The following ERICH3 variants were observed in gnomAD, a reference collection of about 807,000 sequenced individuals.
ERICH3 encodes glutamate-rich protein 3.
Under a neutral mutation model 131.1 loss-of-function variants are expected in ERICH3, and 126 were observed. The ratio of observed to expected loss-of-function variants is 0.96; its 90% CI spans 0.83 to 1.11. The LOEUF is 1.11. ERICH3 is among the 50% of genes most tolerant of loss of function. The pLI is 0.00. For missense variants in ERICH3, 2,050 were observed against 1,810.7 expected (o/e 1.13, Z -2.40); for synonymous variants, 695 against 644.6 (o/e 1.08, Z -1.18).
intron 11 of ERICH3, among the ~76,000 whole-genome samples, chr1:74,596,315 CT>C (rs964925804): frequency 1.3e-4 from 20 of 151,300 alleles, no homozygotes; most frequent in African/African-American, 3.4e-4. Flanking sequence ...GCTAGTTAGT[CT>C]TTTTTTTCAT....
In ERICH3 at chr1:74,634,704, G is replaced by A. The variant is rs201806951; in HGVS notation, c.603+1576C>T. 579 of 709,734 alleles carry A rather than the reference G, an allele frequency of 8.2e-4. 1 individual carries two copies. The highest frequency in any genetic ancestry group is 1.3e-3 in the Non-Finnish European group (500 of 382,116). The allele number at this position is 709,734 out of a possible 1,614,324, so 44.0% of individuals were successfully genotyped here. Reference sequence around the variant, plus strand: ...AAAGCACCCATCCAAGTACTATCTAGGGGAGAGGAAATCCTACTCATTGGA... The same window carrying A: ...AAAGCACCCATCCAAGTACTATCTAAGGGAGAGGAAATCCTACTCATTGGA... On this transcript the variant is annotated intron_variant, in intron 6 of 14. Coordinates refer to ENST00000326665, the MANE Select transcript of ERICH3 (RefSeq NM_001002912.5).
chr1:74,606,879 T>C lies in ERICH3; in HGVS notation c.1211A>G (p.Asp404Gly). The C allele has an allele frequency of 6.2e-7, 1 of 1,612,192 alleles. No homozygotes were observed. Among genetic ancestry groups the C allele is most frequent in the South Asian group, 1.1e-5 (1 of 90,854 alleles). ...AGATTTCGGCAAAGACGGTTTTTTG[T>C]CAAGGCCCATTGCAATAATGCACCT... The part of the protein sequence containing the change: ...CYKCIIAMGL[D>G]KKPSLPKSRK... The change falls in exon 10 of 15, where the codon GAC (aspartate) becomes GGC (glycine). Residue 404 changes from aspartate to glycine, a missense_variant. By Grantham distance (94) the Asp-to-Gly change is moderately conservative. Transcript: ENST00000326665.
At chr1:74,650,546 A>T (rs1238682553) in intron 1 of ERICH3, among the ~76,000 whole-genome samples, 1 of 152,024 alleles carries the variant, frequency 6.6e-6, no homozygotes, top group African/African-American at 2.4e-5. Flanking sequence ...GATAGTACCA[A>T]ATCCTATGTA....
chr1:74,660,595 G>GTA (rs35580326), intron 1 of ERICH3, among the ~76,000 whole-genome samples: 21,506 of 143,740 alleles, frequency 0.15, 1,693 homozygotes, highest in East Asian at 0.27. Context: ...ACACACAAGT[G>GTA]TATATATATA....
At position 74,593,097 on chromosome 1, in the gene ERICH3, C is replaced by T. The variant is rs539177092; in HGVS notation, c.1727-3017G>A. ...CTGGTAGTGATGCTATAAGAACCTG[C>T]TTTTGCTTGTTTTGGCAAAGAAAAG... On this transcript the variant is annotated intron_variant, in intron 11 of 14. Coordinates refer to ENST00000326665, the MANE Select transcript of ERICH3 (RefSeq NM_001002912.5). Among the ~76,000 whole-genome samples, 7 of 152,198 alleles carry T rather than the reference C, an allele frequency of 4.6e-5. No individual in the cohort carries two copies. In the South Asian group the frequency reaches 1.5e-3, roughly 32 times the overall value.
chr1:74,584,943 G>A (rs1470560426), intron 12 of ERICH3, among the ~76,000 whole-genome samples: 1 of 152,094 alleles, frequency 6.6e-6, no homozygotes, highest in Non-Finnish European at 1.5e-5. Flanking sequence ...TATCCTGCCT[G>A]CCTGATGACA....
intron 3 of ERICH3, among the ~76,000 whole-genome samples, chr1:74,644,250 C>A (rs528263762): frequency 2.0e-5 from 3 of 151,894 alleles, no homozygotes; most frequent in South Asian, 4.2e-4. Flanking sequence ...GATCTCCTAC[C>A]CACTTATCAT....
chr1:74,665,251 C>T (rs1198859525), intron 1 of ERICH3, among the ~76,000 whole-genome samples: 1 of 152,000 alleles, frequency 6.6e-6, no homozygotes, highest in Non-Finnish European at 1.5e-5. Context: ...GAGAGCAGGC[C>T]CTCACCAGAC....
intron 3 of ERICH3, among the ~76,000 whole-genome samples, chr1:74,645,826 TAATA>T (rs1646478135): frequency 6.6e-6 from 1 of 152,080 alleles, no homozygotes; most frequent in Non-Finnish European, 1.5e-5. Context: ...TGTAGCATAA[TAATA>T]AATATTTTCA....
intron 7 of ERICH3, among the ~76,000 whole-genome samples, chr1:74,630,254 A>C (rs1189610496): frequency 6.6e-6 from 1 of 152,222 alleles, no homozygotes; most frequent in East Asian, 1.9e-4. Flanking sequence ...CAATGCCAGC[A>C]TGCAGAGTGA....
intron 10 of ERICH3, among the ~76,000 whole-genome samples, chr1:74,604,431 A>C (rs1648290495): frequency 6.6e-6 from 1 of 151,968 alleles, no homozygotes; most frequent in African/African-American, 2.4e-5. Context: ...AATGGCATCT[A>C]GAATTGTGAA....
intron 13 of ERICH3, among the ~76,000 whole-genome samples, chr1:74,576,652 T>C (rs964044522): frequency 6.6e-6 from 1 of 152,180 alleles, no homozygotes; most frequent in African/African-American, 2.4e-5. Flanking sequence ...CTCAAATGCC[T>C]CACAGTGCTT....
intron 5 of ERICH3, among the ~76,000 whole-genome samples, chr1:74,637,984 A>G (rs1646406830): frequency 6.6e-6 from 1 of 152,196 alleles, no homozygotes; most frequent in South Asian, 2.1e-4. Context: ...TTCTAATGCA[A>G]TAAAATAGTA....
rs758913679 is a variant in ERICH3 at position 74,572,308 on chromosome 1, A to T, written c.3402T>A (p.Ala1134=). 3 of 1,614,006 alleles carry T rather than the reference A, an allele frequency of 1.9e-6. No homozygotes were observed. In the Admixed American group the frequency reaches 5.0e-5, roughly 27 times the overall value. ...GCCCTGGATTGTCAGACAACTCAGA[A>T]GCCTCCACAGGTGCTTCGTTCTCAG... ...SDAENEAPVE[A]SELSDNPGLL... is the part of the protein sequence containing the mutation. The change falls in exon 14 of 15, where the codon GCT becomes GCA. Residue 1134 remains alanine (A), a synonymous_variant. Transcript: ENST00000326665.
In ERICH3 at chr1:74,649,299, T is replaced by C. The variant is rs773304285; in HGVS notation, c.40A>G (p.Asn14Asp). 6.2e-7 allele frequency: 1 copy of C among 1,611,732 alleles called. No homozygotes were observed. Among genetic ancestry groups the C allele is most frequent in the Non-Finnish European group, 8.5e-7 (1 of 1,178,900 alleles). The change falls in exon 2 of 15, where the codon AAT becomes GAT. Residue 14 changes from asparagine (N) to aspartate (D), a missense_variant. Physicochemically the swap from Asn to Asp is conservative, Grantham distance 23. Transcript: ENST00000326665. ...GCCAGGTGTTTATCCATAAGGCTAT[T>C]ATATGCAGCAAGTAACCTAAAATAC... ...SHPAGLLAAY[N>D]SLMDKHLAGY...
At chr1:74,656,180 A>G (rs539863510) in intron 1 of ERICH3, among the ~76,000 whole-genome samples, 7 of 152,166 alleles carry the variant, frequency 4.6e-5, no homozygotes, top group Non-Finnish European at 1.0e-4. Context: ...CTAAAATTTC[A>G]TATAATCTCC....
rs1298389538 is a variant in ERICH3, at chr1:74,614,247, C to CT, written c.1001-1439dup. On this transcript the variant is annotated intron_variant, in intron 8 of 14. Coordinates refer to ENST00000326665, the MANE Select transcript of ERICH3 (RefSeq NM_001002912.5). ...TCCATAAGAGCTGAAGTTGATGCATCTTTTTTCTCCAAATCCCTGGACAAT... is the reference window on the plus strand; with the variant it reads ...TCCATAAGAGCTGAAGTTGATGCATCTTTTTTTCTCCAAATCCCTGGACAAT... Among the ~76,000 whole-genome samples the CT allele has an allele frequency of 7.9e-5, 12 of 151,728 alleles. 1 individual carries two copies. In the Middle Eastern group the frequency reaches 0.034, roughly 436 times the overall value.
chr1:74,593,450 G>A (rs1445900663), intron 11 of ERICH3, among the ~76,000 whole-genome samples: 1 of 152,112 alleles, frequency 6.6e-6, no homozygotes, highest in Non-Finnish European at 1.5e-5. Flanking sequence ...TTTCTTAACT[G>A]TAAAATGGGG....
At chr1:74,615,993 T>C (rs1648944911) in intron 8 of ERICH3, among the ~76,000 whole-genome samples, 1 of 151,966 alleles carries the variant, frequency 6.6e-6, no homozygotes, top group Non-Finnish European at 1.5e-5. Context: ...TTTTATTTGT[T>C]TGTTTTGGTT....
Sources: gnomAD v4.1 joint callset for allele counts (sites outside exome capture counted in the v4.1 genomes callset) on GRCh38, gnomAD v4.1.1 for gene constraint, MANE v1.5 for transcripts, NCBI Gene and HGNC (gene_info 2026-07-23, HGNC 2026-07-21) for gene names.